The following TRAK1 variants were observed in gnomAD, a reference collection of about 807,000 sequenced individuals.
TRAK1 encodes the protein trafficking kinesin protein 1.
In TRAK1, 33 loss-of-function variants were observed where a neutral mutation model predicts 92.1. The ratio of observed to expected loss-of-function variants is 0.36; its 90% CI spans 0.27 to 0.48. The LOEUF (loss-of-function observed/expected upper bound fraction) is 0.48, where lower values mean the gene tolerates loss of function less well. TRAK1 is among the 20% of genes least tolerant of loss of function. TRAK1 has a pLI of 0.99. For synonymous variants in TRAK1, 521 were observed against 517.3 expected (o/e 1.01, Z -0.10); for missense variants, 1,123 against 1,257.9 (o/e 0.89, Z 1.62).
intron 2 of TRAK1, among the ~76,000 whole-genome samples, chr3:42,169,811 A>C (rs1329982030): frequency 6.6e-6 from 1 of 152,226 alleles, no homozygotes; most frequent in Non-Finnish European, 1.5e-5. Flanking sequence ...TGCTTTGCCA[A>C]ATCAGCCTGG....
intron 15 of TRAK1, 58 bp from the exon 16 acceptor site, chr3:42,222,884 C>A: frequency 6.4e-7 from 1 of 1,564,254 alleles, no homozygotes; most frequent in South Asian, 1.2e-5. Context: ...TGGCCACTGA[C>A]CCTTTCTCTG....
In TRAK1 at chr3:42,112,735, C is replaced by CAA. The variant is rs774716012; in HGVS notation, c.92-12665_92-12664dup. On this transcript the variant is annotated intron_variant, in intron 1 of 15. Coordinates refer to ENST00000327628, the MANE Select transcript of TRAK1 (RefSeq NM_001042646.3). ...TGGGTGACAGAGTGAGACTCTGTCTCAAAAAAAAAAAAAAAAAAAAACCAA... is the reference window on the plus strand; with the variant it reads ...TGGGTGACAGAGTGAGACTCTGTCTCAAAAAAAAAAAAAAAAAAAAAAACCAA... Among the ~76,000 whole-genome samples the CAA allele has an allele frequency of 4.3e-3, 233 of 54,488 alleles. 2 individuals are homozygous for CAA. Among genetic ancestry groups the CAA allele is most frequent in the South Asian group, 0.03 (33 of 1,094 alleles). 35.7% of individuals were successfully genotyped at this position (54,488 alleles called of 152,430 possible). A position where few individuals can be genotyped will look rare whatever the true frequency, so the allele number is the denominator to read the frequency against.
chr3:42,090,869 C>G (rs1260851433), upstream of TRAK1, among the ~76,000 whole-genome samples: 1 of 152,174 alleles, frequency 6.6e-6, no homozygotes, highest in African/African-American at 2.4e-5. Context: ...TAAACACAGA[C>G]ACTCTTATGC....
At chr3:42,153,416 G>A (rs1700176150) in intron 2 of TRAK1, among the ~76,000 whole-genome samples, 1 of 151,782 alleles carries the variant, frequency 6.6e-6, no homozygotes, top group Non-Finnish European at 1.5e-5. Context: ...AAAAAAAAAA[G>A]GAATGGTATT....
intron 2 of TRAK1, among the ~76,000 whole-genome samples, chr3:42,172,567 T>A (rs1702702007): frequency 6.6e-6 from 1 of 152,184 alleles, no homozygotes; most frequent in South Asian, 2.1e-4. Flanking sequence ...CCTTATTGCA[T>A]AACCCCCCTT....
chr3:42,173,894 C>A (rs1158483098), intron 2 of TRAK1, among the ~76,000 whole-genome samples: 1 of 152,164 alleles, frequency 6.6e-6, no homozygotes, highest in Non-Finnish European at 1.5e-5. Flanking sequence ...TACCGAGAGT[C>A]TGTTATTTTG....
Position 42,135,814 on chromosome 3 carries a change from C to T in TRAK1, c.286+10200C>T, listed in dbSNP as rs77384071. The stretch of plus-strand genomic sequence containing the variant: ...GCTTGGGGTCTTCTCTTGCCTACAT[C>T]TTCTTTGCTTTGGCTGTTGCCTCTC... On this transcript the variant is annotated intron_variant, in intron 2 of 15. Transcript: ENST00000327628. Among the ~76,000 whole-genome samples, 937 of 152,298 alleles carry T rather than the reference C, an allele frequency of 6.2e-3. 37 individuals carry two copies. The East Asian group carries it at 0.11, about 18-fold the overall frequency.
chr3:42,113,383 TA>T (rs2149085440), intron 1 of TRAK1, among the ~76,000 whole-genome samples: 1 of 36,174 alleles, frequency 2.8e-5, no homozygotes, highest in South Asian at 1.7e-3. Context: ...CCCCTACCCC[TA>T]CCCCTACCCC....
chr3:42,164,794 T>G (rs532955141), intron 2 of TRAK1, among the ~76,000 whole-genome samples: 2 of 152,330 alleles, frequency 1.3e-5, no homozygotes, highest in African/African-American at 4.8e-5. Flanking sequence ...AGGGCTCTTC[T>G]GCTTTTCGCA....
intron 1 of TRAK1, chr3:42,051,680 G>A (rs1016916727): frequency 6.6e-6 from 1 of 152,254 alleles, no homozygotes; most frequent in Non-Finnish European, 1.5e-5. Context: ...GATGGCCCAC[G>A]ACCTGAGTGA....
intron 14 of TRAK1, among the ~76,000 whole-genome samples, chr3:42,213,172 C>T (rs1327473702): frequency 6.6e-6 from 1 of 151,436 alleles, no homozygotes; most frequent in Admixed American, 6.6e-5. Flanking sequence ...CTTTTCCTGC[C>T]TCAGCCTCCC....
chr3:42,182,710 G>A (rs188598883), intron 3 of TRAK1, among the ~76,000 whole-genome samples: 51 of 152,332 alleles, frequency 3.3e-4, no homozygotes, highest in Admixed American at 9.1e-4. Flanking sequence ...CCAAAGTGCT[G>A]TTGAATCCAG....
intron 1 of TRAK1, among the ~76,000 whole-genome samples, chr3:42,076,768 T>C (rs1298199095): frequency 6.6e-6 from 1 of 152,224 alleles, no homozygotes; most frequent in Non-Finnish European, 1.5e-5. Flanking sequence ...TTTTAGCTTT[T>C]ACATTTTATT....
chr3:42,089,491 C>T (rs1490444491), upstream of TRAK1, among the ~76,000 whole-genome samples: 1 of 152,168 alleles, frequency 6.6e-6, no homozygotes, highest in Non-Finnish European at 1.5e-5. Context: ...TGACAGGAAT[C>T]CCTCTTTGCC....
chr3:42,132,407 C>A (rs1697333349), intron 2 of TRAK1, among the ~76,000 whole-genome samples: 3 of 151,628 alleles, frequency 2.0e-5, no homozygotes, highest in Admixed American at 2.0e-4. Flanking sequence ...GGACTACAGG[C>A]ACATGCCACC....
Position 42,223,334 on chromosome 3 carries a change from G to A in TRAK1, c.2459G>A (p.Arg820Lys). The A allele has an allele frequency of 6.2e-7, 1 of 1,614,232 alleles. No individual in the cohort carries two copies. Among genetic ancestry groups the A allele is most frequent in the Middle Eastern group, 1.6e-4 (1 of 6,062 alleles). ...LASKPASSILREVREKNVRSS... is the reference protein window; with the variant it reads ...LASKPASSILKEVREKNVRSS... ...TCCAAGCCAGCCAGCTCCATCCTGA[G>A]GGAAGTGAGAGAAAAGAACGTCCGC... is the stretch of plus-strand genomic sequence containing the variant. The change falls in exon 16 of 16, where the codon AGG (arginine) becomes AAG (lysine). Residue 820 changes from arginine to lysine, a missense_variant. This residue lies in a region of TRAK1 where 401 missense variants were observed against 438.9 expected (regional missense o/e 0.91). Transcript: ENST00000327628. The surrounding 1 kb of genome is among the most constrained non-coding windows in gnomAD (Gnocchi z 6.1).
At chr3:42,048,566 C>CTTTTTT (rs373744402) in intron 1 of TRAK1, among the ~76,000 whole-genome samples, 1 of 136,544 alleles carries the variant, frequency 7.3e-6, no homozygotes, top group Admixed American at 7.4e-5. Context: ...CAGTTCTTTT[C>CTTTTTT]TTTTTTTTTT....
chr3:42,101,157 G>A (rs1403014076), intron 1 of TRAK1, among the ~76,000 whole-genome samples: 1 of 152,198 alleles, frequency 6.6e-6, no homozygotes, highest in African/African-American at 2.4e-5. Context: ...CTAAGGACAT[G>A]TTCTCCTCTG....
upstream of TRAK1, among the ~76,000 whole-genome samples, chr3:42,083,690 C>T (rs941767967): frequency 9.9e-5 from 15 of 152,040 alleles, no homozygotes; most frequent in Non-Finnish European, 1.9e-4. Context: ...GCATGGGCAA[C>T]ATGGTGAAAC....
Sources: gnomAD v4.1 joint callset for allele counts (sites outside exome capture counted in the v4.1 genomes callset) on GRCh38, gnomAD v4.1.1 for gene constraint, gnomAD v4.1.1 regional missense constraint, Gnocchi (gnomAD v3.1) non-coding constraint, MANE v1.5 for transcripts, NCBI Gene and HGNC (gene_info 2026-07-23, HGNC 2026-07-21) for gene names.